Variants in GLYR1 observed in about 807,000 individuals in gnomAD.
The protein encoded by GLYR1 is glyoxylate reductase 1 homolog.
A neutral mutation model predicts 72.7 loss-of-function variants in GLYR1; 21 were observed. That is an observed-to-expected ratio of 0.29 (90% CI 0.20 to 0.42). The LOEUF is 0.42. Ranked by LOEUF, GLYR1 falls within the 10% of genes least tolerant of loss-of-function variation. The pLI is 1.00. For synonymous variants in GLYR1, 392 were observed against 270.2 expected (o/e 1.45, Z -4.42); for missense variants, 594 against 712.1 (o/e 0.83, Z 1.89).
chr16:4,843,102 A>G (rs2085684872), intron 3 of GLYR1, among the ~76,000 whole-genome samples: 1 of 152,230 alleles, frequency 6.6e-6, no homozygotes, highest in Non-Finnish European at 1.5e-5. Context: ...AAATTCCCTC[A>G]GTGTCAAGCA....
At chr16:4,812,026 A>G in intron 13 of GLYR1, 60 bp downstream of exon 13, 3 of 1,559,756 alleles carry the variant, frequency 1.9e-6, no homozygotes, top group Non-Finnish European at 2.6e-6. Flanking sequence ...CGCTGTCATC[A>G]GTGTGAAACA....
intron 5 of GLYR1, among the ~76,000 whole-genome samples, chr16:4,825,256 G>A (rs1438193309): frequency 5.3e-5 from 8 of 152,082 alleles, no homozygotes; most frequent in South Asian, 2.1e-4. Flanking sequence ...AAGTTCTGCC[G>A]TCTCCCACCC....
chr16:4,841,535 C>T (rs2085553799), intron 3 of GLYR1, among the ~76,000 whole-genome samples: 1 of 145,956 alleles, frequency 6.9e-6, no homozygotes, highest in South Asian at 2.2e-4. Flanking sequence ...GTCCCAGCTA[C>T]TCGGACTGCT....
intron 3 of GLYR1, among the ~76,000 whole-genome samples, chr16:4,837,833 A>C (rs1417030154): frequency 2.0e-5 from 3 of 152,028 alleles, no homozygotes; most frequent in African/African-American, 4.8e-5. Context: ...CCGGAGGCTG[A>C]GGCAGGATAA....
intron 5 of GLYR1, among the ~76,000 whole-genome samples, chr16:4,831,494 C>T (rs2084791874): frequency 6.6e-6 from 1 of 152,174 alleles, no homozygotes; most frequent in Non-Finnish European, 1.5e-5. Context: ...TCCACCAGCA[C>T]CGAGCCTCAC....
chr16:4,828,741 C>G (rs954672303), intron 5 of GLYR1, among the ~76,000 whole-genome samples: 2 of 151,926 alleles, frequency 1.3e-5, no homozygotes, highest in Non-Finnish European at 2.9e-5. Context: ...CACAGTGAAC[C>G]TAGGAGGCAC....
chr16:4,829,377 G>A (rs1246028601), intron 5 of GLYR1, among the ~76,000 whole-genome samples: 1 of 149,776 alleles, frequency 6.7e-6, no homozygotes, highest in East Asian at 2.0e-4. Context: ...GGAATTGTAG[G>A]TCACTACAGC....
At chr16:4,828,880 G>A (rs1026637157) in intron 5 of GLYR1, among the ~76,000 whole-genome samples, 3 of 152,106 alleles carry the variant, frequency 2.0e-5, no homozygotes, top group East Asian at 1.9e-4. Flanking sequence ...TTTATCCAAC[G>A]AGAAGGTATT....
At chr16:4,843,368 TG>T in intron 3 of GLYR1, 1 of 656,104 alleles carries the variant, frequency 1.5e-6, no homozygotes, top group Non-Finnish European at 2.1e-6. Context: ...TTGGCCAGGA[TG>T]GTCTCGAACT....
chr16:4,805,667 C>T (rs981931476), intron 15 of GLYR1, among the ~76,000 whole-genome samples: 1 of 152,170 alleles, frequency 6.6e-6, no homozygotes, highest in African/African-American at 2.4e-5. Flanking sequence ...AAGGTGAAAC[C>T]TCATCTCTAC....
chr16:4,830,093 C>G (rs956654383), intron 5 of GLYR1, among the ~76,000 whole-genome samples: 1 of 152,046 alleles, frequency 6.6e-6, no homozygotes, highest in East Asian at 1.9e-4. Context: ...TGTGAGCTAC[C>G]ATGCCTGGCC....
chr16:4,842,409 T>C (rs1183240872), intron 3 of GLYR1, among the ~76,000 whole-genome samples: 1 of 150,970 alleles, frequency 6.6e-6, no homozygotes, highest in African/African-American at 2.4e-5. Context: ...GAGTGCAATA[T>C]TGTGATCATG....
intron 3 of GLYR1, chr16:4,843,409 C>T: frequency 1.8e-6 from 2 of 1,102,442 alleles, no homozygotes; most frequent in South Asian, 3.4e-5. Context: ...CCCACCTTGG[C>T]CTCCCAAAGT....
intron 3 of GLYR1, chr16:4,839,795 T>C (rs1396309371): frequency 6.6e-6 from 1 of 152,242 alleles, no homozygotes; most frequent in Non-Finnish European, 1.5e-5. Flanking sequence ...GGAGCCGTTC[T>C]TTCTGCTCTT....
Position 4,826,350 on chromosome 16 carries a change from C to A in GLYR1, c.538-2443G>T, listed in dbSNP as rs557681661. ...CTAACTTCTGGCCTCAAGTGGTCCT[C>A]CTACCTCGGCCTTCCAAAGTGCTGG... On this transcript the variant is annotated intron_variant, in intron 5 of 15. Transcript: ENST00000321919. Among the ~76,000 whole-genome samples the A allele has an allele frequency of 1.2e-4, 19 of 152,306 alleles. No homozygotes were observed. The South Asian group carries it at 2.3e-3, about 18-fold the overall frequency.
At chr16:4,845,996 C>G (rs761791416) in intron 2 of GLYR1, among the ~76,000 whole-genome samples, 178 bp downstream of exon 2, 10 of 152,170 alleles carry the variant, frequency 6.6e-5, no homozygotes, top group Non-Finnish European at 1.0e-4. Flanking sequence ...ATTTAATGAT[C>G]TGGTGTATAC....
chr16:4,805,821 A>G (rs2082935650), intron 15 of GLYR1, among the ~76,000 whole-genome samples: 1 of 151,972 alleles, frequency 6.6e-6, no homozygotes. Context: ...AAAAAAAAAA[A>G]ATACAAAAAA....
intron 3 of GLYR1, among the ~76,000 whole-genome samples, chr16:4,841,506 A>G (rs1360858821): frequency 6.8e-6 from 1 of 147,914 alleles, no homozygotes; most frequent in Non-Finnish European, 1.5e-5. Flanking sequence ...TTAGCAGGGC[A>G]TGGTGGCACA....
chr16:4,808,574 G>T (rs1245033891), intron 15 of GLYR1, among the ~76,000 whole-genome samples: 2 of 151,680 alleles, frequency 1.3e-5, no homozygotes, highest in Non-Finnish European at 2.9e-5. Context: ...CTCCAGCTTG[G>T]GCAACAAGGG....
Sources: allele counts gnomAD v4.1 joint callset (sites outside exome capture counted in the v4.1 genomes callset), GRCh38; gene constraint gnomAD v4.1.1; transcripts MANE v1.5; gene names NCBI Gene and HGNC (gene_info 2026-07-23, HGNC 2026-07-21).